Variants in SLC1A2 observed in about 807,000 individuals in gnomAD.
The protein encoded by SLC1A2 is solute carrier family 1 member 2.
In SLC1A2, 15 loss-of-function variants were observed where a neutral mutation model predicts 48.8. That is an observed-to-expected ratio of 0.31 (90% CI 0.21 to 0.47). The LOEUF is 0.47. Among genes scored for constraint, SLC1A2 ranks in the 20% least tolerant of loss-of-function variants. The pLI, the probability that SLC1A2 is intolerant of heterozygous loss-of-function variation, is 0.99. For missense variants in SLC1A2, 502 were observed against 730.5 expected (o/e 0.69, Z 3.61); for synonymous variants, 279 against 272.6 (o/e 1.02, Z -0.23).
At position 35,312,223 on chromosome 11, in the gene SLC1A2, T is replaced by G; in HGVS notation, c.536A>C (p.Asn179Thr). The G allele has an allele frequency of 1.2e-6, 2 of 1,613,920 alleles. No homozygotes were observed. The highest frequency in any genetic ancestry group is 1.7e-6 in the Non-Finnish European group (2 of 1,179,928). Reference protein sequence around the residue: ...LDLIRNLFPENLVQACFQQIQ... With the variant: ...LDLIRNLFPETLVQACFQQIQ... ...CTGTTGAAAGCAGGCTTGGACAAGG[T>G]TTTCAGGGAAGAGATTTCGAATAAG... Residue 179 changes from asparagine (N) to threonine (T), a missense_variant, in exon 4 of 11, where the codon AAC becomes ACC. Physicochemically the swap from Asn to Thr is moderately conservative, Grantham distance 65. Transcript: ENST00000278379.
intron 1 of SLC1A2, among the ~76,000 whole-genome samples, chr11:35,323,494 A>T (rs12281268): frequency 0.013 from 1,990 of 152,322 alleles, 41 homozygotes; most frequent in East Asian, 0.1. Flanking sequence ...CTCTTAATCT[A>T]TAAAATAAGA....
chr11:35,398,850 C>G (rs748958917), intron 1 of SLC1A2, among the ~76,000 whole-genome samples: 1 of 152,156 alleles, frequency 6.6e-6, no homozygotes, highest in East Asian at 1.9e-4. Context: ...AATAGAAAGT[C>G]GTACCGCTGC....
At chr11:35,347,563 C>G (rs7945449) in intron 1 of SLC1A2, among the ~76,000 whole-genome samples, 2 of 152,138 alleles carry the variant, frequency 1.3e-5, no homozygotes, top group South Asian at 4.1e-4. Context: ...CAGTATCTGC[C>G]GTGGACACAA....
chr11:35,261,022 T>G, intron 10 of SLC1A2, 57 bp from the exon 11 acceptor site: 1 of 1,233,916 alleles, frequency 8.1e-7, no homozygotes, highest in Non-Finnish European at 1.2e-6. Context: ...AAAAAAGCCC[T>G]GTGGGTTATG....
rs1249401678 is a variant in SLC1A2, at chr11:35,260,162, T to C, written c.*732A>G. 1 of 152,226 alleles carries C rather than the reference T, an allele frequency of 6.6e-6. No homozygotes were observed. The highest frequency in any genetic ancestry group is 1.9e-4 in the East Asian group (1 of 5,194). The allele number at this position is 152,226 out of a possible 1,614,324, so 9.4% of individuals were successfully genotyped here. On this transcript the variant is annotated 3_prime_UTR_variant, in exon 11 of 11. Transcript: ENST00000278379. Reference sequence around the variant, plus strand: ...CTACAGTGGTTATATATAAAATACTTCCTAATCAATTATCAAATTTAGAAA... The same window carrying C: ...CTACAGTGGTTATATATAAAATACTCCCTAATCAATTATCAAATTTAGAAA...
chr11:35,288,811 T>C (rs7936564), intron 7 of SLC1A2, among the ~76,000 whole-genome samples: 77,368 of 132,628 alleles, frequency 0.58, 24,002 homozygotes, highest in East Asian at 0.72. Flanking sequence ...TTATTGCATT[T>C]ATTTTTCCAA....
Position 35,257,706 on chromosome 11 carries a change from G to A in SLC1A2, c.*3188C>T, listed in dbSNP as rs898281496. ...TGATTCCACTTGGGTTTCTCAAAGG[G>A]CAAGAATGAGAAAGAGAAGAATTAA... On this transcript the variant is annotated 3_prime_UTR_variant, in exon 11 of 11. Coordinates refer to ENST00000278379, the MANE Select transcript of SLC1A2 (RefSeq NM_004171.4). 2.0e-5 allele frequency: 3 copies of A among 152,280 alleles called. No individual in the cohort carries two copies. Among genetic ancestry groups the A allele is most frequent in the African/African-American group, 7.2e-5 (3 of 41,576 alleles). The allele number at this position is 152,280 out of a possible 1,614,324, so 9.4% of individuals were successfully genotyped here.
At chr11:35,380,255 C>T (rs1405424121) in intron 1 of SLC1A2, 2 of 397,510 alleles carry the variant, frequency 5.0e-6, no homozygotes, top group East Asian at 7.1e-5. Context: ...ACCTCCTTGA[C>T]ATAAGAACAC....
At chr11:35,349,075 G>T (rs140837646) in intron 1 of SLC1A2, among the ~76,000 whole-genome samples, 12 of 152,134 alleles carry the variant, frequency 7.9e-5, no homozygotes, top group Non-Finnish European at 2.9e-5. Flanking sequence ...AGCAGGATGG[G>T]AGTGGCAAGG....
At chr11:35,293,009 A>AG in intron 6 of SLC1A2, among the ~76,000 whole-genome samples, 1 of 146,240 alleles carries the variant, frequency 6.8e-6, no homozygotes, top group Non-Finnish European at 1.5e-5. Flanking sequence ...GAGAGAGAGA[A>AG]CAAGGAAATC....
chr11:35,310,824 C>T (rs1045172687), intron 4 of SLC1A2, among the ~76,000 whole-genome samples: 1 of 152,070 alleles, frequency 6.6e-6, no homozygotes, highest in African/African-American at 2.4e-5. Context: ...AACAGAATCA[C>T]CTGTTTTAAA....
At chr11:35,317,138 ACT>A (rs1851907064) in intron 2 of SLC1A2, 2 of 489,248 alleles carry the variant, frequency 4.1e-6, no homozygotes, top group Non-Finnish European at 7.4e-6. Flanking sequence ...ACATGCCAAC[ACT>A]CTCACAAGAT....
rs755542207 is a variant in SLC1A2 at position 35,306,188 on chromosome 11, T to C, written c.616A>G (p.Asn206Asp). The C allele has an allele frequency of 3.1e-6, 5 of 1,614,024 alleles. No individual in the cohort carries two copies. The highest frequency in any genetic ancestry group is 1.6e-4 in the Middle Eastern group (1 of 6,062). The change falls in exon 5 of 11, where the codon AAC becomes GAC. Residue 206 changes from asparagine to aspartate, a missense_variant. Asn to Asp is a conservative substitution (Grantham distance 23). Coordinates refer to ENST00000278379, the MANE Select transcript of SLC1A2 (RefSeq NM_004171.4). The part of the protein sequence containing the change: ...LVAPPPDEEA[N>D]ATSAVVSLLN... ...AGAGAGACAACAGCGCTGGTTGCGTTGGCCTCCTCGTCCGGCGGTGGTGCA... is the reference window on the plus strand; with the variant it reads ...AGAGAGACAACAGCGCTGGTTGCGTCGGCCTCCTCGTCCGGCGGTGGTGCA...
At position 35,284,196 on chromosome 11, in the gene SLC1A2, C is replaced by T. The variant is rs574342584; in HGVS notation, c.1286+2561G>A. ...AAACACAAACCCCAGAGTAAGGTGG[C>T]CTGGGTTCAAATCCCATTTCTGCCT... On this transcript the variant is annotated intron_variant, in intron 8 of 10. Coordinates refer to ENST00000278379, the MANE Select transcript of SLC1A2 (RefSeq NM_004171.4). Among the ~76,000 whole-genome samples the T allele has an allele frequency of 3.3e-5, 5 of 150,842 alleles. No homozygotes were observed. In the South Asian group the frequency reaches 1.0e-3, roughly 32 times the overall value.
At chr11:35,393,644 A>G (rs1355395299) in intron 1 of SLC1A2, among the ~76,000 whole-genome samples, 1 of 152,254 alleles carries the variant, frequency 6.6e-6, no homozygotes, top group African/African-American at 2.4e-5. Context: ...GCAACGGGCA[A>G]TAGGCATTCA....
chr11:35,346,528 C>T (rs896835520), intron 1 of SLC1A2, among the ~76,000 whole-genome samples: 5 of 152,184 alleles, frequency 3.3e-5, no homozygotes, highest in African/African-American at 1.2e-4. Flanking sequence ...ACAAGGCATT[C>T]GATCTAATGG....
At chr11:35,362,836 G>C (rs560008768) in intron 1 of SLC1A2, among the ~76,000 whole-genome samples, 1 of 152,100 alleles carries the variant, frequency 6.6e-6, no homozygotes, top group Non-Finnish European at 1.5e-5. Context: ...CCAACTTCTA[G>C]TTGCAGCATC....
chr11:35,320,297 T>A (rs1370128300), intron 1 of SLC1A2, among the ~76,000 whole-genome samples: 1 of 152,204 alleles, frequency 6.6e-6, no homozygotes, highest in Admixed American at 6.5e-5. Context: ...GACACTATAC[T>A]CAGTAATGGG....
intron 1 of SLC1A2, 68 bp from the exon 2 acceptor site, chr11:35,317,584 C>A: frequency 6.5e-7 from 1 of 1,538,132 alleles, no homozygotes; most frequent in South Asian, 1.2e-5. Context: ...AGGGGCTCGA[C>A]TAGTAGGAAC....
Sources: allele counts gnomAD v4.1 joint callset (sites outside exome capture counted in the v4.1 genomes callset), GRCh38; gene constraint gnomAD v4.1.1; transcripts MANE v1.5; gene names NCBI Gene and HGNC (gene_info 2026-07-23, HGNC 2026-07-21).